FHOD3: variants seen among roughly 807,000 people sequenced by gnomAD.
FHOD3 encodes formin homology 2 domain containing 3, also known as FH1/FH2 domain-containing protein 3.
FHOD3 carries 90 observed loss-of-function variants against 173.0 expected under a neutral mutation model. The ratio of observed to expected loss-of-function variants is 0.52; its 90% CI spans 0.44 to 0.62. The LOEUF (loss-of-function observed/expected upper bound fraction) is 0.62, where lower values mean the gene tolerates loss of function less well. Ranked by LOEUF, FHOD3 falls within the 20% of genes least tolerant of loss-of-function variation. The pLI is 0.00. For synonymous variants in FHOD3, 828 were observed against 823.0 expected (o/e 1.01, Z -0.10); for missense variants, 1,945 against 2,034.7 (o/e 0.96, Z 0.85).
intron 5 of FHOD3, among the ~76,000 whole-genome samples, chr18:36,571,125 AAAAC>A (rs2058436888): frequency 6.6e-6 from 1 of 152,198 alleles, no homozygotes; most frequent in African/African-American, 2.4e-5. Context: ...GAAATCTACA[AAAAC>A]AAAACAAAAA....
intron 9 of FHOD3, among the ~76,000 whole-genome samples, chr18:36,615,661 T>C (rs1342759520): frequency 6.6e-6 from 1 of 152,216 alleles, no homozygotes; most frequent in Non-Finnish European, 1.5e-5. Context: ...GTCCCTATTT[T>C]TTCAGATTTA....
chr18:36,771,768 G>A (rs2043393085), intron 28 of FHOD3, among the ~76,000 whole-genome samples: 2 of 152,208 alleles, frequency 1.3e-5, no homozygotes, highest in African/African-American at 4.8e-5. Flanking sequence ...TGGAGAGGTG[G>A]GCCAAGGGAG....
At chr18:36,681,623 T>C in intron 15 of FHOD3, 53 bp downstream of exon 15, 3 of 1,563,556 alleles carry the variant, frequency 1.9e-6, no homozygotes, top group South Asian at 1.2e-5. Context: ...ATTAAAGGCA[T>C]GTGACTTTAC....
At chr18:36,588,747 G>A (rs1431346259) in intron 6 of FHOD3, among the ~76,000 whole-genome samples, 1 of 152,170 alleles carries the variant, frequency 6.6e-6, no homozygotes, top group South Asian at 2.1e-4. Flanking sequence ...AAAGTATTAA[G>A]AGACTGTCTT....
rs546431597 is a variant in FHOD3 at position 36,760,723 on chromosome 18, C to G, written c.4565C>G (p.Pro1522Arg). Residue 1522 changes from proline (P) to arginine (R), a missense_variant, in exon 27 of 29, where the codon CCC (proline) becomes CGC (arginine). This residue lies in a region of FHOD3 where 354 missense variants were observed against 359.9 expected (regional missense o/e 0.98). Coordinates refer to ENST00000590592, the MANE Select transcript of FHOD3 (RefSeq NM_001281740.3). ...NMKAVLKTSS[P>R]SVEDATPALG... is the part of the protein sequence containing the mutation. Reference sequence around the variant, plus strand: ...AAGGCTGTGCTGAAAACCTCGTCCCCCTCCGTGGAGGACGCCACCCCCGCG... The same window carrying G: ...AAGGCTGTGCTGAAAACCTCGTCCCGCTCCGTGGAGGACGCCACCCCCGCG... The G allele has an allele frequency of 1.7e-5, 28 of 1,613,068 alleles. No homozygotes were observed. In the South Asian group the frequency reaches 2.4e-4, roughly 14 times the overall value.
chr18:36,400,096 A>C (rs796509811), intron 3 of FHOD3, among the ~76,000 whole-genome samples: 10 of 152,344 alleles, frequency 6.6e-5, no homozygotes, highest in African/African-American at 2.4e-4. Flanking sequence ...GTGAACTGAA[A>C]TGTATTTCTC....
At chr18:36,519,950 C>A (rs510661) in intron 5 of FHOD3, among the ~76,000 whole-genome samples, 1 of 102,674 alleles carries the variant, frequency 9.7e-6, no homozygotes, top group African/African-American at 3.7e-5. Context: ...TAAGGCTTTT[C>A]TTTCATTTTT....
chr18:36,514,682 C>A (rs140209112), intron 5 of FHOD3, among the ~76,000 whole-genome samples: 2 of 152,200 alleles, frequency 1.3e-5, no homozygotes, highest in Admixed American at 6.5e-5. Flanking sequence ...AATATTATAA[C>A]CATCTTCTGT....
chr18:36,657,973 G>C, intron 13 of FHOD3, 102 bp from the exon 14 acceptor site: 1 of 831,326 alleles, frequency 1.2e-6, no homozygotes, highest in Non-Finnish European at 2.0e-6. Context: ...TTCCAGACCT[G>C]TTTCTCTTGC....
intron 19 of FHOD3, among the ~76,000 whole-genome samples, chr18:36,719,441 G>C (rs1183409507): frequency 6.6e-6 from 1 of 152,158 alleles, no homozygotes; most frequent in African/African-American, 2.4e-5. Context: ...CAAGATATGG[G>C]ATCACAGATT....
intron 10 of FHOD3, among the ~76,000 whole-genome samples, chr18:36,639,138 G>A (rs1399594885): frequency 6.6e-6 from 1 of 152,156 alleles, no homozygotes; most frequent in Non-Finnish European, 1.5e-5. Context: ...ATCTCATGAG[G>A]GGACTATGCT....
intron 9 of FHOD3, among the ~76,000 whole-genome samples, chr18:36,612,338 G>A (rs553310853): frequency 2.0e-5 from 3 of 152,268 alleles, no homozygotes; most frequent in East Asian, 3.9e-4. Context: ...TTGATATAGG[G>A]GAAATTGGTT....
At chr18:36,424,909 T>C (rs1477486606) in intron 3 of FHOD3, among the ~76,000 whole-genome samples, 2 of 152,186 alleles carry the variant, frequency 1.3e-5, no homozygotes, top group Non-Finnish European at 2.9e-5. Flanking sequence ...ATCTCAGTTA[T>C]CACATCGGAG....
At chr18:36,646,170 G>A (rs2035667440) in intron 10 of FHOD3, among the ~76,000 whole-genome samples, 3 of 152,090 alleles carry the variant, frequency 2.0e-5, no homozygotes, top group Admixed American at 2.0e-4. Context: ...TCTAAAAGAA[G>A]CTCTAGAAAC....
chr18:36,348,242 G>T (rs2045957873), intron 1 of FHOD3, among the ~76,000 whole-genome samples: 1 of 152,180 alleles, frequency 6.6e-6, no homozygotes, highest in South Asian at 2.1e-4. Flanking sequence ...CTTCATGGCT[G>T]CCTAGCAACA....
intron 19 of FHOD3, among the ~76,000 whole-genome samples, chr18:36,722,707 C>T (rs1028454068): frequency 3.3e-5 from 5 of 152,036 alleles, no homozygotes; most frequent in Non-Finnish European, 5.9e-5. Context: ...TGGGCTCAAA[C>T]GATCCTCCCA....
chr18:36,303,345 C>T (rs1941444), intron 1 of FHOD3, among the ~76,000 whole-genome samples: 3,931 of 152,262 alleles, frequency 0.026, 91 homozygotes, highest in Middle Eastern at 0.037. Flanking sequence ...CCCATGCTCT[C>T]TGTGCAGATG....
chr18:36,305,903 A>G (rs1457238336), intron 1 of FHOD3, among the ~76,000 whole-genome samples: 2 of 152,222 alleles, frequency 1.3e-5, no homozygotes, highest in African/African-American at 2.4e-5. Flanking sequence ...TTATGATTTG[A>G]GGTCACCTTC....
intron 10 of FHOD3, among the ~76,000 whole-genome samples, chr18:36,641,428 A>C (rs2035298714): frequency 6.6e-6 from 1 of 152,158 alleles, no homozygotes; most frequent in East Asian, 1.9e-4. Flanking sequence ...TGCACAAGGG[A>C]ATGTCATGTA....
Sources: allele counts gnomAD v4.1 joint callset (sites outside exome capture counted in the v4.1 genomes callset), GRCh38; gene constraint gnomAD v4.1.1; regional missense constraint gnomAD v4.1.1; transcripts MANE v1.5; gene names NCBI Gene and HGNC (gene_info 2026-07-23, HGNC 2026-07-21).